NHEJ1: variants seen among roughly 807,000 people sequenced by gnomAD.
NHEJ1 encodes the protein non-homologous end joining factor 1.
Under a neutral mutation model 39.4 loss-of-function variants are expected in NHEJ1, and 22 were observed. That is an observed-to-expected ratio of 0.56 (90% confidence interval 0.40 to 0.80). NHEJ1 has a LOEUF of 0.80. Among genes scored for constraint, NHEJ1 ranks in the 30% least tolerant of loss-of-function variants. NHEJ1 has a pLI of 0.00. For missense variants in NHEJ1, 329 were observed against 357.1 expected (o/e 0.92, Z 0.63); for synonymous variants, 154 against 135.6 (o/e 1.14, Z -0.94).
At chr2:219,087,545 A>C (rs1949122672) in intron 5 of NHEJ1, among the ~76,000 whole-genome samples, 1 of 152,134 alleles carries the variant, frequency 6.6e-6, no homozygotes, top group Non-Finnish European at 1.5e-5. Context: ...CACAGCCCAC[A>C]GCAGCCAAGT....
At chr2:219,108,010 C>T (rs966640792) in intron 5 of NHEJ1, among the ~76,000 whole-genome samples, 2 of 152,102 alleles carry the variant, frequency 1.3e-5, no homozygotes, top group South Asian at 2.1e-4. Flanking sequence ...TCAGCGACTG[C>T]GCCATGACTG....
chr2:219,126,203 C>T (rs1949512972), intron 5 of NHEJ1, among the ~76,000 whole-genome samples: 1 of 152,180 alleles, frequency 6.6e-6, no homozygotes, highest in Non-Finnish European at 1.5e-5. Flanking sequence ...ACTGAGTTTT[C>T]TCCCTTTTCA....
intron 6 of NHEJ1, 65 bp downstream of exon 6, chr2:219,078,024 T>C (rs1949029840): frequency 1.9e-6 from 2 of 1,064,794 alleles, no homozygotes; most frequent in African/African-American, 3.1e-5. Context: ...ACTATCATAT[T>C]GGACAGCATA....
At chr2:219,116,276 TTTC>T (rs1198730268) in intron 5 of NHEJ1, among the ~76,000 whole-genome samples, 32 of 152,360 alleles carry the variant, frequency 2.1e-4, no homozygotes, top group African/African-American at 7.7e-4. Flanking sequence ...CATTTCTTGA[TTTC>T]TTTTTTCTTT....
intron 5 of NHEJ1, among the ~76,000 whole-genome samples, chr2:219,080,643 ATATATATGCTAATATATATAAGCTTT>A (rs1559185939): frequency 2.4e-5 from 2 of 83,372 alleles, no homozygotes; most frequent in East Asian, 3.2e-4. Flanking sequence ...ATATAAGCTT[ATATATATGCTAATATATATAAGCTTT>A]TATATATGCT....
At chr2:219,131,745 T>G (rs573956509) in intron 5 of NHEJ1, among the ~76,000 whole-genome samples, 1 of 152,366 alleles carries the variant, frequency 6.6e-6, no homozygotes, top group African/African-American at 2.4e-5. Context: ...TCTAGAGGTG[T>G]ACAAGACTAA....
intron 5 of NHEJ1, among the ~76,000 whole-genome samples, chr2:219,138,724 T>G (rs750620892): frequency 5.9e-5 from 9 of 151,920 alleles, no homozygotes; most frequent in Non-Finnish European, 1.2e-4. Context: ...ATAGAAAAAA[T>G]AAAAAGTAGA....
intron 5 of NHEJ1, among the ~76,000 whole-genome samples, chr2:219,099,613 G>A (rs1331991526): frequency 6.6e-6 from 1 of 152,164 alleles, no homozygotes; most frequent in Non-Finnish European, 1.5e-5. Context: ...TCAAAGCTGG[G>A]CTTTTTAAAG....
chr2:219,085,446 A>G (rs925281923), intron 5 of NHEJ1, among the ~76,000 whole-genome samples: 2 of 152,226 alleles, frequency 1.3e-5, no homozygotes, highest in African/African-American at 4.8e-5. Flanking sequence ...CACAAGGCAC[A>G]CTGCCCTTGA....
At position 219,073,773 on chromosome 2, in the gene NHEJ1, GGGCGGGTA is replaced by G; in HGVS notation, c.*2600_*2607del. The stretch of plus-strand genomic sequence containing the variant: ...GGCCCCAGCCCCAGCCCCGGGGAGC[GGGCGGGTA>G]GGCGGGGAGGTGGGCCACTGCTTTA... On this transcript the variant is annotated 3_prime_UTR_variant, in exon 8 of 8. Transcript: ENST00000356853. 2.0e-5 allele frequency among the ~76,000 whole-genome samples: 3 copies of G among 152,328 alleles called. No homozygotes were observed. In the South Asian group the frequency reaches 6.2e-4, roughly 32 times the overall value.
chr2:219,151,974 CAAT>C (rs895861938), intron 3 of NHEJ1, among the ~76,000 whole-genome samples: 7 of 151,754 alleles, frequency 4.6e-5, no homozygotes, highest in Non-Finnish European at 7.4e-5. Context: ...TCTCAAATAA[CAAT>C]AATAATAATA....
At position 219,106,909 on chromosome 2, in the gene NHEJ1, C is replaced by G. The variant is rs1184460262; in HGVS notation, c.589-28703G>C. On this transcript the variant is annotated intron_variant, in intron 5 of 7. Transcript: ENST00000356853. ...TTTCCATTTTACTCTAACAAAAACA[C>G]CTCTCAAACTGGCATTTGCTGAAAA... 4.3e-4 allele frequency among the ~76,000 whole-genome samples: 65 copies of G among 152,158 alleles called. 1 individual carries two copies. Among genetic ancestry groups the G allele is most frequent in the Non-Finnish European group, 1.5e-5 (1 of 68,036 alleles).
rs144265348 is a variant in NHEJ1 at position 219,106,905 on chromosome 2, A to G, written c.589-28699T>C. Among the ~76,000 whole-genome samples the G allele has an allele frequency of 2.9e-3, 440 of 152,270 alleles. 1 individual carries two copies. The highest frequency in any genetic ancestry group is 4.5e-3 in the Non-Finnish European group (306 of 68,022). ...CTGTTTTCCATTTTACTCTAACAAAAACACCTCTCAAACTGGCATTTGCTG... is the reference window on the plus strand; with the variant it reads ...CTGTTTTCCATTTTACTCTAACAAAGACACCTCTCAAACTGGCATTTGCTG... On this transcript the variant is annotated intron_variant, in intron 5 of 7. Coordinates refer to ENST00000356853, the MANE Select transcript of NHEJ1 (RefSeq NM_024782.3).
chr2:219,098,761 G>A (rs1949230680), intron 5 of NHEJ1, among the ~76,000 whole-genome samples: 1 of 151,842 alleles, frequency 6.6e-6, no homozygotes, highest in African/African-American at 2.4e-5. Flanking sequence ...GACTAGCCTG[G>A]GCAACACAGC....
intron 5 of NHEJ1, among the ~76,000 whole-genome samples, chr2:219,138,090 A>AC (rs928844226): frequency 7.2e-5 from 11 of 151,988 alleles, no homozygotes; most frequent in Non-Finnish European, 1.5e-4. Context: ...CTAAAAAAAA[A>AC]CCACCCTGAA....
At chr2:219,149,326 G>A (rs556081304) in intron 3 of NHEJ1, among the ~76,000 whole-genome samples, 5 of 152,092 alleles carry the variant, frequency 3.3e-5, no homozygotes, top group South Asian at 4.1e-4. Flanking sequence ...CCATTAACCT[G>A]TCAAAAAAAA....
At chr2:219,145,550 A>C (rs996718858) in intron 5 of NHEJ1, among the ~76,000 whole-genome samples, 2 of 152,244 alleles carry the variant, frequency 1.3e-5, no homozygotes, top group African/African-American at 4.8e-5. Context: ...CAATAAAGAA[A>C]TACAAATAAT....
intron 5 of NHEJ1, among the ~76,000 whole-genome samples, chr2:219,100,021 T>G (rs1271892836): frequency 1.3e-5 from 2 of 152,044 alleles, no homozygotes; most frequent in Non-Finnish European, 2.9e-5. Flanking sequence ...GGTGGTATAG[T>G]GGAGGCAGAT....
chr2:219,148,940 G>A (rs1185577999), intron 3 of NHEJ1, among the ~76,000 whole-genome samples: 2 of 151,676 alleles, frequency 1.3e-5, no homozygotes, highest in Non-Finnish European at 1.5e-5. Flanking sequence ...CTACAGTACA[G>A]TAGCACGATC....
Sources: allele counts gnomAD v4.1 joint callset (sites outside exome capture counted in the v4.1 genomes callset), GRCh38; gene constraint gnomAD v4.1.1; transcripts MANE v1.5; gene names NCBI Gene and HGNC (gene_info 2026-07-23, HGNC 2026-07-21).